SPINK5: variants seen among roughly 807,000 people sequenced by gnomAD.
The protein encoded by SPINK5 is serine protease inhibitor Kazal-type 5.
SPINK5 carries 125 observed loss-of-function variants against 151.8 expected under a neutral mutation model. The ratio of observed to expected loss-of-function variants is 0.82; its 90% CI spans 0.71 to 0.96. SPINK5 has a LOEUF of 0.96. Ranked by LOEUF, SPINK5 falls within the 40% of genes least tolerant of loss-of-function variation. The pLI is 0.00. For missense variants in SPINK5, 1,194 were observed against 1,291.9 expected (o/e 0.92, Z 1.16); for synonymous variants, 374 against 395.3 (o/e 0.95, Z 0.64).
At chr5:148,099,715 C>T (rs1164026118) in intron 12 of SPINK5, among the ~76,000 whole-genome samples, 2 of 152,012 alleles carry the variant, frequency 1.3e-5, no homozygotes, top group Non-Finnish European at 2.9e-5. Flanking sequence ...TGAAATATTA[C>T]AATATTAGTT....
chr5:148,065,500 A>G (rs949046123), intron 2 of SPINK5, 128 bp downstream of exon 2: 1 of 945,874 alleles, frequency 1.1e-6, no homozygotes, highest in African/African-American at 1.6e-5. Flanking sequence ...CTTTTGTTAA[A>G]AACACAGAAA....
At chr5:148,117,227 T>C (rs1016193898) in intron 22 of SPINK5, among the ~76,000 whole-genome samples, 3 of 152,226 alleles carry the variant, frequency 2.0e-5, no homozygotes, top group Non-Finnish European at 4.4e-5. Context: ...TTTTTTCCCA[T>C]CTTTTTTGCT....
At chr5:148,085,780 T>TAAC (rs756711711) in intron 4 of SPINK5, among the ~76,000 whole-genome samples, 8 of 151,774 alleles carry the variant, frequency 5.3e-5, no homozygotes, top group Non-Finnish European at 8.8e-5. Flanking sequence ...ACATTGAAAA[T>TAAC]AACAACAACA....
intron 30 of SPINK5, among the ~76,000 whole-genome samples, 172 bp from the exon 31 acceptor site, chr5:148,131,087 T>G (rs1754557764): frequency 1.3e-5 from 2 of 152,186 alleles, no homozygotes; most frequent in Admixed American, 1.3e-4. Flanking sequence ...ATACAGGAAG[T>G]TAAATCCACC....
intron 3 of SPINK5, 106 bp from the exon 4 acceptor site, chr5:148,072,042 G>C: frequency 9.6e-7 from 1 of 1,043,428 alleles, no homozygotes; most frequent in Non-Finnish European, 1.5e-6. Context: ...TGACATGCCA[G>C]GCTAGGCTGA....
At chr5:148,118,893 C>A in intron 23 of SPINK5, 93 bp from the exon 24 acceptor site, 1 of 1,314,722 alleles carries the variant, frequency 7.6e-7, no homozygotes, top group Non-Finnish European at 1.1e-6. Flanking sequence ...TTGAAGAAAG[C>A]TGACTTCTTG....
Position 148,097,992 on chromosome 5 carries a change from C to T in SPINK5, c.1008C>T (p.Tyr336=), listed in dbSNP as rs1454522564. ...HGNLCSMCQA[Y]FQAENEEKKK... The stretch of plus-strand genomic sequence containing the variant: ...ACTTGTGTTCCATGTGTCAAGCCTA[C>T]TTGTGAGTATAGAGTTTTAGAATGT... The change falls in exon 11 of 33, where the codon TAC becomes TAT. Residue 336 remains tyrosine (Y), a splice_region_variant and synonymous_variant. Coordinates refer to ENST00000256084, the MANE Select transcript of SPINK5 (RefSeq NM_006846.4). The T allele has an allele frequency of 6.2e-7, 1 of 1,611,280 alleles. No homozygotes were observed. The highest frequency in any genetic ancestry group is 1.1e-5 in the South Asian group (1 of 91,028).
At chr5:148,105,030 C>T in intron 16 of SPINK5, 30 bp downstream of exon 16, 1 of 1,608,640 alleles carries the variant, frequency 6.2e-7, no homozygotes, top group Non-Finnish European at 8.5e-7. Context: ...TGATGCTGTG[C>T]CCTGACATTT....
Position 148,120,286 on chromosome 5 carries a change from T to C in SPINK5, c.2442-9T>C, listed in dbSNP as rs1754219726. The C allele has an allele frequency of 6.2e-7, 1 of 1,604,144 alleles. No homozygotes were observed. The highest frequency in any genetic ancestry group is 1.7e-5 in the Admixed American group (1 of 58,832). On this transcript the variant is annotated splice_polypyrimidine_tract_variant and intron_variant, in intron 25 of 32. Transcript: ENST00000256084. ...CTTTGATTGAAATGTTTCATTGTTT[T>C]CCCCCCAGGGAAAGGGAAGCAGCTG... is the stretch of plus-strand genomic sequence containing the variant.
intron 2 of SPINK5, among the ~76,000 whole-genome samples, chr5:148,068,567 AAAAAAAAAAAAAAAG>A (rs1482129601): frequency 1.4e-5 from 2 of 144,466 alleles, no homozygotes; most frequent in East Asian, 2.0e-4. Flanking sequence ...AAAAAAAAAA[AAAAAAAAAAAAAAAG>A]AAAGAAAGAA....
At chr5:148,128,190 G>A (rs1018328246) in intron 30 of SPINK5, among the ~76,000 whole-genome samples, 3 of 150,688 alleles carry the variant, frequency 2.0e-5, no homozygotes, top group East Asian at 2.0e-4. Flanking sequence ...TCAGGGATCC[G>A]AAGGCATGGA....
At chr5:148,093,612 C>T (rs1030610543) in intron 8 of SPINK5, among the ~76,000 whole-genome samples, 1 of 151,548 alleles carries the variant, frequency 6.6e-6, no homozygotes, top group African/African-American at 2.4e-5. Flanking sequence ...TGACTTGATC[C>T]ATATTAAGTC....
intron 18 of SPINK5, among the ~76,000 whole-genome samples, chr5:148,111,479 G>T (rs1753925864): frequency 6.6e-6 from 1 of 152,290 alleles, no homozygotes; most frequent in Non-Finnish European, 1.5e-5. Flanking sequence ...GTATACCACA[G>T]ATTCCTTTAC....
chr5:148,119,192 C>A, intron 24 of SPINK5, 134 bp downstream of exon 24: 1 of 784,158 alleles, frequency 1.3e-6, no homozygotes, highest in Admixed American at 2.0e-5. Context: ...ACCAAGTTAT[C>A]AGTGACTCTC....
chr5:148,066,547 G>C (rs531684579), intron 2 of SPINK5, among the ~76,000 whole-genome samples: 1 of 152,160 alleles, frequency 6.6e-6, no homozygotes, highest in South Asian at 2.1e-4. Context: ...CTTCTTACAT[G>C]AGTGTTCTAG....
At position 148,100,622 on chromosome 5, in the gene SPINK5, G is replaced by T. The variant is rs1753615072; in HGVS notation, c.1220+41G>T. ...GCTGGGAACATGGAGGAATGATTTTGTTCTTTCTATTTCATTTCCATGTTC... is the reference window on the plus strand; with the variant it reads ...GCTGGGAACATGGAGGAATGATTTTTTTCTTTCTATTTCATTTCCATGTTC... On this transcript the variant is annotated intron_variant, in intron 13 of 32. Coordinates refer to ENST00000256084, the MANE Select transcript of SPINK5 (RefSeq NM_006846.4). 4 of 1,608,160 alleles carry T rather than the reference G, an allele frequency of 2.5e-6. No individual in the cohort carries two copies. In the East Asian group the frequency reaches 9.0e-5, roughly 36 times the overall value.
chr5:148,132,416 A>G (rs1754597764), intron 31 of SPINK5, among the ~76,000 whole-genome samples: 2 of 152,144 alleles, frequency 1.3e-5, no homozygotes, highest in Admixed American at 6.5e-5. Flanking sequence ...CTTTTAGGTA[A>G]GGTATGGTAG....
At chr5:148,088,343 A>G (rs1487170496) in intron 5 of SPINK5, among the ~76,000 whole-genome samples, 199 bp from the exon 6 acceptor site, 1 of 151,908 alleles carries the variant, frequency 6.6e-6, no homozygotes, top group African/African-American at 2.4e-5. Context: ...AATCTTTACC[A>G]TCTCTTCCAT....
rs745860700 is a variant in SPINK5, at chr5:148,125,694, A to G, written c.2740-29A>G. Reference sequence around the variant, plus strand: ...CACTAAGCCAAAAAGGGACAAAGCCATGTTCACTTTCCCTTTCTCATTTTC... The same window carrying G: ...CACTAAGCCAAAAAGGGACAAAGCCGTGTTCACTTTCCCTTTCTCATTTTC... On this transcript the variant is annotated intron_variant, in intron 28 of 32. Transcript: ENST00000256084. 6.8e-6 allele frequency: 11 copies of G among 1,614,094 alleles called. No individual in the cohort carries two copies. The African/African-American group carries it at 1.5e-4, about 22-fold the overall frequency.
Sources: gnomAD v4.1 joint callset for allele counts (sites outside exome capture counted in the v4.1 genomes callset) on GRCh38, gnomAD v4.1.1 for gene constraint, MANE v1.5 for transcripts, NCBI Gene and HGNC (gene_info 2026-07-23, HGNC 2026-07-21) for gene names.